The following FYB1 variants were observed in gnomAD, a reference collection of about 807,000 sequenced individuals.
FYB1 encodes FYN-binding protein 1.
A neutral mutation model predicts 94.1 loss-of-function variants in FYB1; 41 were observed. That is an observed-to-expected ratio of 0.44 (90% confidence interval 0.34 to 0.57). The LOEUF is 0.57. FYB1 is among the 20% of genes least tolerant of loss of function. The pLI, the probability that FYB1 is intolerant of heterozygous loss-of-function variation, is 0.02. For synonymous variants in FYB1, 367 were observed against 353.2 expected, an observed-to-expected ratio of 1.04 and a Z score of -0.44; for missense variants, 1,050 against 976.8, an observed-to-expected ratio of 1.07 and a Z score of -1.00.
chr5:39,251,914 G>A (rs1045343842), intron 1 of FYB1, among the ~76,000 whole-genome samples: 1 of 152,162 alleles, frequency 6.6e-6, no homozygotes, highest in Non-Finnish European at 1.5e-5. Context: ...GGAGGCCGAG[G>A]CGGGTGGATC....
chr5:39,238,877 C>T lies in FYB1; in HGVS notation c.-28+35526G>A, dbSNP rs544438216. Among the ~76,000 whole-genome samples, 138 of 152,184 alleles carry T rather than the reference C, an allele frequency of 9.1e-4. 3 individuals are homozygous for T. Among genetic ancestry groups the T allele is most frequent in the African/African-American group, 3.1e-3 (129 of 41,524 alleles). On this transcript the variant is annotated intron_variant, in intron 1 of 1. Transcript: ENST00000510188. Reference sequence around the variant, plus strand: ...TTGTCACATGGTCACACGTGAAAACCTCTTTGTGTGTGAGAACATGCTGGG... The same window carrying T: ...TTGTCACATGGTCACACGTGAAAACTTCTTTGTGTGTGAGAACATGCTGGG...
chr5:39,157,526 G>T (rs1027010093), intron 2 of FYB1, among the ~76,000 whole-genome samples: 12 of 151,938 alleles, frequency 7.9e-5, no homozygotes, highest in African/African-American at 2.9e-4. Context: ...GATAATAGCT[G>T]GTTGGAAAAA....
Position 39,110,353 on chromosome 5 carries a change from T to C in FYB1, c.2435+3A>G. Reference sequence around the variant, plus strand: ...GCATAGTAGTAGAAGAAAATGGGCTTACTTGTCCGCTAGGTAACTCCGAAG... The same window carrying C: ...GCATAGTAGTAGAAGAAAATGGGCTCACTTGTCCGCTAGGTAACTCCGAAG... On this transcript the variant is annotated splice_donor_region_variant and intron_variant, in intron 17 of 18. Coordinates refer to ENST00000512982, the MANE Select transcript of FYB1 (RefSeq NM_001465.6). 6.3e-7 allele frequency: 1 copy of C among 1,591,304 alleles called. No homozygotes were observed.
At chr5:39,116,722 G>A (rs1355659332) in intron 16 of FYB1, among the ~76,000 whole-genome samples, 2 of 151,852 alleles carry the variant, frequency 1.3e-5, no homozygotes, top group African/African-American at 4.8e-5. Context: ...TAACATCCTT[G>A]TTACTCAGGA....
intron 2 of FYB1, among the ~76,000 whole-genome samples, chr5:39,186,296 T>C (rs1398633673): frequency 6.6e-6 from 1 of 152,116 alleles, no homozygotes. Context: ...TGGTGGCACA[T>C]GCCTGTAATC....
chr5:39,171,959 G>A lies in FYB1; in HGVS notation c.1136-18355C>T, dbSNP rs538694558. On this transcript the variant is annotated intron_variant, in intron 2 of 18. Coordinates refer to ENST00000512982, the MANE Select transcript of FYB1 (RefSeq NM_001465.6). ...AAGTGACAAGCAGGGGTGAAGGATG[G>A]TAAAGATAATGAGGAGAATCAGAAG... Among the ~76,000 whole-genome samples the A allele has an allele frequency of 3.3e-5, 5 of 152,268 alleles. No homozygotes were observed. In the South Asian group the frequency reaches 8.3e-4, roughly 25 times the overall value.
At chr5:39,247,112 A>ATG (rs1751515341) in intron 1 of FYB1, among the ~76,000 whole-genome samples, 1 of 125,488 alleles carries the variant, frequency 8.0e-6, no homozygotes, top group South Asian at 2.6e-4. Context: ...ATATATATAT[A>ATG]TATGACTATA....
chr5:39,107,422 C>T lies in FYB1; in HGVS notation c.*21G>A. 1 of 1,522,526 alleles carries T rather than the reference C, an allele frequency of 6.6e-7. No individual in the cohort carries two copies. The highest frequency in any genetic ancestry group is 8.9e-7 in the Non-Finnish European group (1 of 1,129,740). 94.3% of individuals were successfully genotyped at this position (1,522,526 alleles called of 1,614,324 possible). On this transcript the variant is annotated 3_prime_UTR_variant, in exon 19 of 19. Transcript: ENST00000512982. Reference sequence around the variant, plus strand: ...TCACATTGGCACCTAATGAACACAGCAGAATGACCAAAGTTGAGTGCTAGT... The same window carrying T: ...TCACATTGGCACCTAATGAACACAGTAGAATGACCAAAGTTGAGTGCTAGT...
At chr5:39,127,897 T>C (rs1431561519) in intron 10 of FYB1, 90 bp from the exon 11 acceptor site, 23 of 1,213,992 alleles carry the variant, frequency 1.9e-5, no homozygotes, top group Non-Finnish European at 2.4e-5. Context: ...TCTTCCTTAT[T>C]TAACTGCAGA....
In FYB1 at chr5:39,231,167, A is replaced by AC. The variant is rs745688617; in HGVS notation, c.-27-28181_-27-28180insG. ...CAGAGCAAAAAAAAAAAAAACAAAA[A>AC]AAAACAAAAAAAACAAAACAGCTGT... On this transcript the variant is annotated intron_variant, in intron 1 of 1. Coordinates refer to the FYB1 transcript ENST00000510188. Among the ~76,000 whole-genome samples the AC allele has an allele frequency of 6.4e-3, 909 of 142,708 alleles. 33 individuals carry two copies. The highest frequency in any genetic ancestry group is 0.056 in the South Asian group (260 of 4,622). The allele number at this position is 142,708 out of a possible 152,430, so 93.6% of individuals were successfully genotyped here. A position where few individuals can be genotyped will look rare whatever the true frequency, so the allele number is the denominator to read the frequency against.
intron 14 of FYB1, among the ~76,000 whole-genome samples, chr5:39,119,962 C>T (rs943369212): frequency 6.6e-6 from 1 of 152,038 alleles, no homozygotes; most frequent in African/African-American, 2.4e-5. Flanking sequence ...CTTAAACCTC[C>T]CTAAATTATC....
At chr5:39,219,225 G>A (rs150583488) in intron 1 of FYB1, among the ~76,000 whole-genome samples, 1,599 of 152,206 alleles carry the variant, frequency 0.011, 28 homozygotes, top group African/African-American at 0.036. Flanking sequence ...ACACGTTCCC[G>A]GCCACATTTT....
chr5:39,263,551 T>C, intron 1 of FYB1, among the ~76,000 whole-genome samples: 1 of 151,920 alleles, frequency 6.6e-6, no homozygotes, highest in Non-Finnish European at 1.5e-5. Flanking sequence ...GAAAAAAAAA[T>C]CACCTCTCTA....
At chr5:39,178,989 T>C (rs1157436528) in intron 2 of FYB1, among the ~76,000 whole-genome samples, 3 of 152,204 alleles carry the variant, frequency 2.0e-5, no homozygotes, top group Non-Finnish European at 4.4e-5. Context: ...AGTCCATACG[T>C]AGTTTTGCAT....
At chr5:39,140,405 G>T (rs1742066612) in intron 4 of FYB1, among the ~76,000 whole-genome samples, 1 of 152,140 alleles carries the variant, frequency 6.6e-6, no homozygotes, top group Non-Finnish European at 1.5e-5. Context: ...AGTAAGCAGA[G>T]ATATAGAAAT....
intron 13 of FYB1, among the ~76,000 whole-genome samples, chr5:39,123,541 C>T (rs1263350132): frequency 6.6e-6 from 1 of 152,064 alleles, no homozygotes; most frequent in East Asian, 1.9e-4. Flanking sequence ...AGGCACTGAT[C>T]AGCTTGAGTT....
upstream of FYB1, among the ~76,000 whole-genome samples, chr5:39,220,038 T>A (rs1276949239): frequency 6.6e-6 from 1 of 152,144 alleles, no homozygotes; most frequent in Admixed American, 6.5e-5. Flanking sequence ...CCCACTAGAC[T>A]CACTCTGTCG....
At chr5:39,139,013 G>C in intron 5 of FYB1, 1 of 566,590 alleles carries the variant, frequency 1.8e-6, no homozygotes, top group South Asian at 2.3e-5. Context: ...CGTGTAGTCA[G>C]ACTTAAGTTT....
intron 1 of FYB1, among the ~76,000 whole-genome samples, chr5:39,237,004 C>G (rs1167256413): frequency 6.6e-6 from 1 of 152,094 alleles, no homozygotes; most frequent in Admixed American, 6.6e-5. Flanking sequence ...AAGAAATGTA[C>G]TTATGGTGGT....
Sources: allele counts gnomAD v4.1 joint callset (sites outside exome capture counted in the v4.1 genomes callset), GRCh38; gene constraint gnomAD v4.1.1; transcripts MANE v1.5; gene names NCBI Gene and HGNC (gene_info 2026-07-23, HGNC 2026-07-21).